FRMD4A: variants seen among roughly 807,000 people sequenced by gnomAD.
FRMD4A encodes the protein FERM domain containing 4A, also known as FERM domain-containing protein 4A.
Under a neutral mutation model 129.1 loss-of-function variants are expected in FRMD4A, and 29 were observed. That is an observed-to-expected ratio of 0.22 (90% CI 0.17 to 0.31). The LOEUF is 0.31. Ranked by LOEUF, FRMD4A falls within the 10% of genes least tolerant of loss-of-function variation. The pLI, the probability that FRMD4A is intolerant of heterozygous loss-of-function variation, is 1.00. For missense variants in FRMD4A, 1,272 were observed against 1,375.8 expected, an observed-to-expected ratio of 0.92 and a Z score of 1.19; for synonymous variants, 634 against 571.6, an observed-to-expected ratio of 1.11 and a Z score of -1.56.
At chr10:13,850,987 G>T (rs1305587153) in intron 3 of FRMD4A, among the ~76,000 whole-genome samples, 4 of 152,220 alleles carry the variant, frequency 2.6e-5, no homozygotes, top group African/African-American at 9.6e-5. Flanking sequence ...GGCCAAGGCG[G>T]GTGGATCACC....
chr10:13,659,271 C>T, intron 21 of FRMD4A, 52 bp downstream of exon 21: 10 of 1,529,812 alleles, frequency 6.5e-6, no homozygotes, highest in Non-Finnish European at 9.1e-6. Context: ...CTGACAATGC[C>T]CAATTTTAAA....
intron 2 of FRMD4A, 80 bp downstream of exon 2, chr10:14,329,978 G>T: frequency 1.5e-6 from 2 of 1,314,570 alleles, no homozygotes; most frequent in Non-Finnish European, 2.1e-6. Context: ...TGCAGCCACT[G>T]CAGCGGCAGC....
At chr10:13,881,794 C>G (rs148954358) in intron 2 of FRMD4A, among the ~76,000 whole-genome samples, 303 of 151,704 alleles carry the variant, frequency 2.0e-3, no homozygotes, top group Admixed American at 6.1e-3. Flanking sequence ...TTCCAGCACG[C>G]ATGCTTCTGG....
Position 13,785,282 on chromosome 10 carries a change from A to G in FRMD4A, c.300-2276T>C, listed in dbSNP as rs1215933381. Among the ~76,000 whole-genome samples, 7 of 152,180 alleles carry G rather than the reference A, an allele frequency of 4.6e-5. No homozygotes were observed. The East Asian group carries it at 1.3e-3, about 29-fold the overall frequency. On this transcript the variant is annotated intron_variant, in intron 5 of 24. Transcript: ENST00000357447. ...TCAATCCACAGATATCATTAGTACA[A>G]TTCTTATCATCTCAGGTTCTACAAA...
chr10:14,008,527 C>T (rs2095670481), intron 2 of FRMD4A: 3 of 990,452 alleles, frequency 3.0e-6, no homozygotes, highest in South Asian at 9.2e-5. Flanking sequence ...CTTCTCGTGG[C>T]TGCAGATGGT....
intron 2 of FRMD4A, among the ~76,000 whole-genome samples, chr10:14,230,637 C>A (rs1402503478): frequency 6.6e-6 from 1 of 152,102 alleles, no homozygotes; most frequent in Non-Finnish European, 1.5e-5. Flanking sequence ...TTCTTTCCAA[C>A]TTTTACTGTA....
intron 12 of FRMD4A, among the ~76,000 whole-genome samples, chr10:13,717,692 G>GT (rs35059886): frequency 0.16 from 15,452 of 94,342 alleles, 1,554 homozygotes; most frequent in Non-Finnish European, 0.17. Flanking sequence ...TGTTGTTCTT[G>GT]TTTTTTTTTT....
At chr10:13,831,945 C>T (rs2093796352) in intron 3 of FRMD4A, among the ~76,000 whole-genome samples, 1 of 152,126 alleles carries the variant, frequency 6.6e-6, no homozygotes, top group South Asian at 2.1e-4. Flanking sequence ...CTTTTTTAGC[C>T]AAACAACAGC....
chr10:13,752,080 A>G (rs1280087236), intron 8 of FRMD4A, among the ~76,000 whole-genome samples: 1 of 152,222 alleles, frequency 6.6e-6, no homozygotes, highest in Non-Finnish European at 1.5e-5. Context: ...GCCAGTTGCT[A>G]AACTGAGAAT....
intron 2 of FRMD4A, among the ~76,000 whole-genome samples, chr10:14,139,535 G>A (rs2131839736): frequency 6.6e-6 from 1 of 151,820 alleles, no homozygotes; most frequent in Admixed American, 6.6e-5. Flanking sequence ...CTACAACCTT[G>A]ACTTCCTGGG....
chr10:13,983,095 G>A (rs546395374), intron 2 of FRMD4A, among the ~76,000 whole-genome samples: 5 of 152,200 alleles, frequency 3.3e-5, no homozygotes, highest in Admixed American at 1.3e-4. Context: ...CAACTAGCTG[G>A]GGCTATAGGC....
intron 2 of FRMD4A, among the ~76,000 whole-genome samples, chr10:13,960,119 T>C (rs1426257422): frequency 6.6e-6 from 1 of 152,164 alleles, no homozygotes; most frequent in Non-Finnish European, 1.5e-5. Context: ...CTCTGTGAAC[T>C]TCACTCTGCT....
chr10:14,236,995 C>CAA (rs71477244), intron 2 of FRMD4A, among the ~76,000 whole-genome samples: 12,171 of 75,230 alleles, frequency 0.16, 1,594 homozygotes, highest in East Asian at 0.25. Context: ...AACAGGTCAG[C>CAA]AAAAAAAAAA....
intron 2 of FRMD4A, among the ~76,000 whole-genome samples, chr10:14,091,311 C>T (rs185560380): frequency 5.4e-4 from 82 of 152,256 alleles, no homozygotes; most frequent in Non-Finnish European, 9.7e-4. Flanking sequence ...ATCCAACACA[C>T]CACTAGAACT....
At chr10:14,224,016 C>A (rs1319077078) in intron 2 of FRMD4A, among the ~76,000 whole-genome samples, 1 of 152,160 alleles carries the variant, frequency 6.6e-6, no homozygotes, top group Non-Finnish European at 1.5e-5. Context: ...TCCCTCAAAT[C>A]ACTTCCTTTG....
chr10:14,328,795 C>T (rs1387971661), intron 2 of FRMD4A, among the ~76,000 whole-genome samples: 1 of 152,062 alleles, frequency 6.6e-6, no homozygotes, highest in East Asian at 1.9e-4. Context: ...AATTCCTATC[C>T]AGTTTATTTG....
At chr10:13,671,965 G>A (rs1428382333) in intron 16 of FRMD4A, among the ~76,000 whole-genome samples, 1 of 152,280 alleles carries the variant, frequency 6.6e-6, no homozygotes, top group Non-Finnish European at 1.5e-5. Flanking sequence ...AAGCTTTTGC[G>A]CAGGGCAGCC....
intron 2 of FRMD4A, among the ~76,000 whole-genome samples, chr10:13,905,648 C>A (rs577237209): frequency 6.6e-6 from 1 of 152,280 alleles, no homozygotes; most frequent in East Asian, 1.9e-4. Context: ...TCTATAATTT[C>A]TGTGGCAACA....
At chr10:13,812,372 G>A (rs2093464496) in intron 3 of FRMD4A, among the ~76,000 whole-genome samples, 1 of 152,238 alleles carries the variant, frequency 6.6e-6, no homozygotes, top group South Asian at 2.1e-4. Flanking sequence ...AGAGACACCA[G>A]AGAGCCTGCT....
Sources: allele counts gnomAD v4.1 joint callset (sites outside exome capture counted in the v4.1 genomes callset), GRCh38; gene constraint gnomAD v4.1.1; transcripts MANE v1.5; gene names NCBI Gene and HGNC (gene_info 2026-07-23, HGNC 2026-07-21).